CACNA2D3: variants seen among roughly 807,000 people sequenced by gnomAD.
CACNA2D3 encodes voltage-dependent calcium channel subunit alpha-2/delta-3.
CACNA2D3 carries 60 observed loss-of-function variants against 160.6 expected under a neutral mutation model. The observed-to-expected ratio is 0.37, with a 90% CI of 0.30 to 0.46. CACNA2D3 has a LOEUF of 0.46. Ranked by LOEUF, CACNA2D3 falls within the 20% of genes least tolerant of loss-of-function variation. The pLI is 1.00. For synonymous variants in CACNA2D3, 558 were observed against 492.9 expected (o/e 1.13, Z -1.75); for missense variants, 1,205 against 1,365.0 (o/e 0.88, Z 1.85).
At chr3:54,506,421 T>A (rs1394548353) in intron 5 of CACNA2D3, among the ~76,000 whole-genome samples, 1 of 152,154 alleles carries the variant, frequency 6.6e-6, no homozygotes, top group Admixed American at 6.5e-5. Context: ...GCTTCTGTGA[T>A]CTATGTTCTG....
intron 2 of CACNA2D3, among the ~76,000 whole-genome samples, chr3:54,123,805 C>G (rs535899832): frequency 6.6e-6 from 1 of 152,250 alleles, no homozygotes; most frequent in South Asian, 2.1e-4. Context: ...CAAAGAAAAG[C>G]AGGATACTCA....
intron 3 of CACNA2D3, among the ~76,000 whole-genome samples, chr3:54,354,893 T>C (rs537632717): frequency 2.0e-5 from 3 of 152,334 alleles, no homozygotes; most frequent in African/African-American, 4.8e-5. Flanking sequence ...AAAAATCTTT[T>C]GCAACACCAG....
chr3:54,963,636 A>G (rs977571141), intron 27 of CACNA2D3, among the ~76,000 whole-genome samples: 1 of 152,190 alleles, frequency 6.6e-6, no homozygotes, highest in East Asian at 1.9e-4. Context: ...GATCATTGGT[A>G]TTCTGCAAAG....
At chr3:54,727,342 A>G (rs925083287) in intron 11 of CACNA2D3, among the ~76,000 whole-genome samples, 1 of 152,230 alleles carries the variant, frequency 6.6e-6, no homozygotes, top group Non-Finnish European at 1.5e-5. Flanking sequence ...TGTGGAAGAC[A>G]GTGTGGCAAT....
intron 29 of CACNA2D3, among the ~76,000 whole-genome samples, chr3:54,976,024 A>G (rs1482850815): frequency 6.6e-6 from 1 of 151,460 alleles, no homozygotes; most frequent in East Asian, 1.9e-4. Flanking sequence ...GTATCCATAG[A>G]GATTAGATAT....
At chr3:54,670,638 A>T (rs1700143006) in intron 11 of CACNA2D3, among the ~76,000 whole-genome samples, 1 of 152,176 alleles carries the variant, frequency 6.6e-6, no homozygotes, top group African/African-American at 2.4e-5. Context: ...AGCCTTTATC[A>T]CTGCGATTAT....
intron 35 of CACNA2D3, among the ~76,000 whole-genome samples, chr3:55,026,513 G>A (rs1013026180): frequency 3.9e-5 from 6 of 152,158 alleles, no homozygotes; most frequent in African/African-American, 7.2e-5. Flanking sequence ...AATGTTACAC[G>A]GGGGTCGCAG....
intron 4 of CACNA2D3, among the ~76,000 whole-genome samples, chr3:54,463,898 G>C (rs1381112181): frequency 1.3e-5 from 2 of 152,090 alleles, no homozygotes; most frequent in Non-Finnish European, 2.9e-5. Context: ...CCATCTTTGT[G>C]GTTTTATCTA....
At chr3:55,072,536 C>T (rs138997890) in intron 35 of CACNA2D3, among the ~76,000 whole-genome samples, 175 of 152,318 alleles carry the variant, frequency 1.1e-3, no homozygotes, top group African/African-American at 4.0e-3. Flanking sequence ...GAGAAACTGA[C>T]AATTTTGTTA....
chr3:54,329,621 A>G (rs888600491), intron 3 of CACNA2D3, among the ~76,000 whole-genome samples: 7 of 152,224 alleles, frequency 4.6e-5, no homozygotes, highest in Non-Finnish European at 2.9e-5. Context: ...GTAGAAAACA[A>G]TGCCTCTTAA....
chr3:55,040,404 A>G (rs576334765), intron 35 of CACNA2D3, among the ~76,000 whole-genome samples: 1 of 152,338 alleles, frequency 6.6e-6, no homozygotes, highest in East Asian at 1.9e-4. Context: ...TAATATTCAA[A>G]TATCCATATC....
chr3:54,999,434 A>G (rs369648760), intron 31 of CACNA2D3, among the ~76,000 whole-genome samples: 46 of 152,282 alleles, frequency 3.0e-4, no homozygotes, highest in South Asian at 2.7e-3. Flanking sequence ...AAGAAGACAT[A>G]TTTTTACATG....
At chr3:54,464,042 A>G (rs1194786547) in intron 4 of CACNA2D3, among the ~76,000 whole-genome samples, 1 of 152,140 alleles carries the variant, frequency 6.6e-6, no homozygotes, top group Non-Finnish European at 1.5e-5. Context: ...TGCACTCCAG[A>G]CCCTGTTTGC....
chr3:54,195,500 T>G (rs549759416), intron 2 of CACNA2D3, among the ~76,000 whole-genome samples: 1 of 151,972 alleles, frequency 6.6e-6, no homozygotes, highest in African/African-American at 2.4e-5. Flanking sequence ...TGGTCAAAAC[T>G]TTTACAGTAT....
intron 5 of CACNA2D3, among the ~76,000 whole-genome samples, chr3:54,535,143 C>T (rs544394260): frequency 4.8e-4 from 73 of 152,246 alleles, no homozygotes; most frequent in African/African-American, 1.8e-3. Flanking sequence ...GCTCACATAT[C>T]GTGGTCCCAA....
At chr3:54,374,185 A>C (rs1027368189) in intron 3 of CACNA2D3, among the ~76,000 whole-genome samples, 5 of 152,234 alleles carry the variant, frequency 3.3e-5, no homozygotes, top group African/African-American at 1.2e-4. Flanking sequence ...TGACAAATCT[A>C]GGAAGTGCTG....
At chr3:55,069,789 T>G (rs1704757625) in intron 35 of CACNA2D3, among the ~76,000 whole-genome samples, 2 of 152,148 alleles carry the variant, frequency 1.3e-5, no homozygotes, top group African/African-American at 4.8e-5. Flanking sequence ...TGTAGATAAT[T>G]TATGCTTTAT....
At chr3:54,894,014 T>C (rs1022466061) in intron 25 of CACNA2D3, among the ~76,000 whole-genome samples, 2 of 152,152 alleles carry the variant, frequency 1.3e-5, no homozygotes, top group Admixed American at 6.5e-5. Flanking sequence ...GTAATTCTGA[T>C]ACAACCCTGG....
At chr3:54,434,584 C>G (rs192372432) in intron 4 of CACNA2D3, among the ~76,000 whole-genome samples, 4 of 152,306 alleles carry the variant, frequency 2.6e-5, no homozygotes, top group Admixed American at 6.5e-5. Context: ...AGAGGTGAGT[C>G]TTAGGTGCTG....
Sources: gnomAD v4.1 joint callset for allele counts (sites outside exome capture counted in the v4.1 genomes callset) on GRCh38, gnomAD v4.1.1 for gene constraint, MANE v1.5 for transcripts, NCBI Gene and HGNC (gene_info 2026-07-23, HGNC 2026-07-21) for gene names.